ATP6V1E2: variants seen among roughly 807,000 people sequenced by gnomAD.
ATP6V1E2 encodes ATPase H+ transporting V1 subunit E2, also known as V-type proton ATPase subunit E 2.
For missense variants in ATP6V1E2, 308 were observed against 273.3 expected, an observed-to-expected ratio of 1.13 and a Z score of -0.90; for synonymous variants, 121 against 104.2, an observed-to-expected ratio of 1.16 and a Z score of -0.98.
intron 4 of ATP6V1E2, among the ~76,000 whole-genome samples, chr2:46,534,050 T>C (rs767322149): frequency 5.9e-5 from 9 of 152,226 alleles, no homozygotes; most frequent in Non-Finnish European, 1.0e-4. Context: ...TCGCTTGATA[T>C]GGTTTGCTTT....
rs1167624599 is a variant in ATP6V1E2, at chr2:46,530,992, T to C, written c.-102+4821A>G. Among the ~76,000 whole-genome samples, 1 of 152,164 alleles carries C rather than the reference T, an allele frequency of 6.6e-6. No individual in the cohort carries two copies. Among genetic ancestry groups the C allele is most frequent in the African/African-American group, 2.4e-5 (1 of 41,432 alleles). Reference sequence around the variant, plus strand: ...TTTGGGTGAGGACACAGCCAAACCATATTACCTGACTTTTTTTCTCTTGGT... The same window carrying C: ...TTTGGGTGAGGACACAGCCAAACCACATTACCTGACTTTTTTTCTCTTGGT... On this transcript the variant is annotated intron_variant, in intron 4 of 4. Transcript: ENST00000522587. The surrounding 1 kb of genome is among the most constrained non-coding windows in gnomAD (Gnocchi z 5.2).
chr2:46,525,214 C>T (rs887847687), intron 4 of ATP6V1E2, among the ~76,000 whole-genome samples: 27 of 151,766 alleles, frequency 1.8e-4, no homozygotes, highest in African/African-American at 6.5e-4. Context: ...GTGGCTCACG[C>T]CTGTAATCCC....
intron 4 of ATP6V1E2, among the ~76,000 whole-genome samples, chr2:46,513,933 T>A (rs1687591439): frequency 6.6e-6 from 1 of 152,204 alleles, no homozygotes; most frequent in Admixed American, 6.5e-5. Flanking sequence ...GTGGTCTTTT[T>A]ACTAGAAGTG....
Position 46,512,234 on chromosome 2 carries a change from G to T in ATP6V1E2, c.478C>A (p.Gln160Lys). The change falls in exon 5 of 5, where the codon CAG becomes AAG. Residue 160 changes from glutamine (Q) to lysine (K), a missense_variant. By Grantham distance (53) the Gln-to-Lys change is moderately conservative. Transcript: ENST00000522587. ...KAIPEYMTIS[Q>K]KHVEVQIDKE... is the part of the protein sequence containing the mutation. ...TCAATCTGGACCTCCACATGTTTCTGGGAAATTGTCATGTACTCGGGGATG... is the reference window on the plus strand; with the variant it reads ...TCAATCTGGACCTCCACATGTTTCTTGGAAATTGTCATGTACTCGGGGATG... 1 of 1,613,994 alleles carries T rather than the reference G, an allele frequency of 6.2e-7. No individual in the cohort carries two copies. The highest frequency in any genetic ancestry group is 8.5e-7 in the Non-Finnish European group (1 of 1,179,988).
intron 4 of ATP6V1E2, among the ~76,000 whole-genome samples, chr2:46,514,828 C>CA (rs1158833700): frequency 1.3e-5 from 2 of 151,960 alleles, no homozygotes; most frequent in Non-Finnish European, 2.9e-5. Context: ...AAGATAAACC[C>CA]AAAAAAGTCC....
At chr2:46,514,286 A>T (rs975536330) in intron 4 of ATP6V1E2, among the ~76,000 whole-genome samples, 1 of 141,176 alleles carries the variant, frequency 7.1e-6, no homozygotes, top group Non-Finnish European at 1.5e-5. Context: ...TCTCAAAAAA[A>T]TAAATAAATA....
chr2:46,540,784 G>C (rs1045004494), intron 2 of ATP6V1E2, among the ~76,000 whole-genome samples: 13 of 151,964 alleles, frequency 8.6e-5, no homozygotes, highest in African/African-American at 2.4e-4. Context: ...ACACCAAGTG[G>C]GATCAGCTCC....
chr2:46,536,842 G>C (rs1027497173), intron 2 of ATP6V1E2, 139 bp from the exon 3 acceptor site: 28 of 151,422 alleles, frequency 1.8e-4, no homozygotes, highest in African/African-American at 6.6e-4. Context: ...GGAGTGCAGT[G>C]GCACCATCTC....
In ATP6V1E2 at chr2:46,528,347, T is replaced by C. The variant is rs776136042; in HGVS notation, c.-102+7466A>G. On this transcript the variant is annotated intron_variant, in intron 4 of 4. Transcript: ENST00000522587. ...CTTAAGAAGATCTTGGAAGGTCTCA[T>C]GTACCCACTCAATCCACTTGTCAAA... is the stretch of plus-strand genomic sequence containing the variant. Among the ~76,000 whole-genome samples, 6 of 152,368 alleles carry C rather than the reference T, an allele frequency of 3.9e-5. No individual in the cohort carries two copies. In the East Asian group the frequency reaches 1.2e-3, roughly 29 times the overall value.
intron 4 of ATP6V1E2, among the ~76,000 whole-genome samples, chr2:46,521,488 C>T (rs1005998413): frequency 6.6e-6 from 1 of 152,126 alleles, no homozygotes; most frequent in South Asian, 2.1e-4. Flanking sequence ...AAAAGGGAAG[C>T]AGGACCAAAC....
intron 3 of ATP6V1E2, 138 bp downstream of exon 3, chr2:46,536,473 T>C (rs922810784): frequency 1.3e-5 from 2 of 152,478 alleles, no homozygotes; most frequent in African/African-American, 4.8e-5. Context: ...GGCAGGATGC[T>C]GCAGGGAAGG....
chr2:46,518,475 TACACACACACACACAACACACACACAC>T (rs1454235608), intron 4 of ATP6V1E2, among the ~76,000 whole-genome samples: 1 of 105,612 alleles, frequency 9.5e-6, no homozygotes, highest in African/African-American at 3.8e-5. Context: ...AAACATTTGT[TACACACACACACACAACACACACACAC>T]ACACACACAC....
At chr2:46,531,221 C>CGTAA (rs1267499901) in intron 4 of ATP6V1E2, among the ~76,000 whole-genome samples, 1 of 152,240 alleles carries the variant, frequency 6.6e-6, no homozygotes, top group Non-Finnish European at 1.5e-5. Flanking sequence ...CAACCACCAA[C>CGTAA]TTACATTCTG....
intron 4 of ATP6V1E2, chr2:46,519,449 G>A (rs1368872390): frequency 2.6e-5 from 4 of 152,208 alleles, no homozygotes; most frequent in Admixed American, 2.6e-4. Flanking sequence ...ACCCACAACA[G>A]GGGATGCTGT....
At position 46,530,496 on chromosome 2, in the gene ATP6V1E2, C is replaced by G. The variant is rs1296989831; in HGVS notation, c.-102+5317G>C. ...CTCATTATTACCCGCTTTCCCTGGC[C>G]ACCTGCCCTGCACTCTCCTCAAGTG... is the stretch of plus-strand genomic sequence containing the variant. On this transcript the variant is annotated intron_variant, in intron 4 of 4. Coordinates refer to ENST00000522587, the MANE Select transcript of ATP6V1E2 (RefSeq NM_001318063.2). The surrounding 1 kb of genome is among the most constrained non-coding windows in gnomAD (Gnocchi z 5.2). 2.0e-5 allele frequency among the ~76,000 whole-genome samples: 3 copies of G among 152,216 alleles called. No individual in the cohort carries two copies. Among genetic ancestry groups the G allele is most frequent in the African/African-American group, 7.2e-5 (3 of 41,466 alleles).
At chr2:46,521,847 C>A (rs539856179) in intron 4 of ATP6V1E2, among the ~76,000 whole-genome samples, 111 of 152,220 alleles carry the variant, frequency 7.3e-4, no homozygotes, top group African/African-American at 2.4e-3. Flanking sequence ...CATGCCACCA[C>A]ACCCGGCTAA....
intron 4 of ATP6V1E2, among the ~76,000 whole-genome samples, chr2:46,514,947 A>C (rs533190352): frequency 1.4e-4 from 21 of 152,318 alleles, no homozygotes; most frequent in Non-Finnish European, 2.9e-4. Context: ...TTCTCAGTAG[A>C]TATCTTGTAG....
At chr2:46,514,295 T>TAAAAATA (rs1558655098) in intron 4 of ATP6V1E2, among the ~76,000 whole-genome samples, 1 of 149,678 alleles carries the variant, frequency 6.7e-6, no homozygotes, top group Non-Finnish European at 1.5e-5. Flanking sequence ...AATAAATAAA[T>TAAAAATA]AAAAAGAAAA....
intron 4 of ATP6V1E2, among the ~76,000 whole-genome samples, chr2:46,529,479 G>C (rs1667078323): frequency 2.0e-5 from 3 of 152,250 alleles, no homozygotes; most frequent in African/African-American, 7.2e-5. Flanking sequence ...ATTTGGCTGG[G>C]TGTGGTGGCT....
Sources: gnomAD v4.1 joint callset for allele counts (sites outside exome capture counted in the v4.1 genomes callset) on GRCh38, gnomAD v4.1.1 for gene constraint, Gnocchi (gnomAD v3.1) non-coding constraint, MANE v1.5 for transcripts, NCBI Gene and HGNC (gene_info 2026-07-23, HGNC 2026-07-21) for gene names.